The following PCDHA4 variants were observed in gnomAD, a reference collection of about 807,000 sequenced individuals.
PCDHA4 encodes the protein protocadherin alpha-4.
Under a neutral mutation model 61.4 loss-of-function variants are expected in PCDHA4, and 49 were observed. The observed-to-expected ratio is 0.80, with a 90% CI of 0.63 to 1.01. The LOEUF (loss-of-function observed/expected upper bound fraction) is 1.01, where lower values mean the gene tolerates loss of function less well. Ranked by LOEUF, PCDHA4 falls within the 50% of genes least tolerant of loss-of-function variation. PCDHA4 has a pLI of 0.00. For missense variants in PCDHA4, 1,254 were observed against 1,235.8 expected (o/e 1.01, Z -0.22); for synonymous variants, 590 against 550.3 (o/e 1.07, Z -1.01).
At position 140,848,431 on chromosome 5, in the gene PCDHA4, A is replaced by T; in HGVS notation, c.2385+38859A>T. On this transcript the variant is annotated intron_variant, in intron 1 of 3. Transcript: ENST00000530339. ...GAACACAGCAGAATGGGACTGACGAAATCAGATGATTTCTTCTAATTTGGA... is the reference window on the plus strand; with the variant it reads ...GAACACAGCAGAATGGGACTGACGATATCAGATGATTTCTTCTAATTTGGA... 2.7e-6 allele frequency: 4 copies of T among 1,467,178 alleles called. 2 individuals are homozygous for T. The highest frequency in any genetic ancestry group is 3.7e-6 in the Non-Finnish European group (4 of 1,073,724). 90.9% of individuals were successfully genotyped at this position (1,467,178 alleles called of 1,614,324 possible). A position where few individuals can be genotyped will look rare whatever the true frequency, so the allele number is the denominator to read the frequency against.
chr5:140,940,164 AT>A (rs1407801775), intron 1 of PCDHA4, among the ~76,000 whole-genome samples: 1 of 152,170 alleles, frequency 6.6e-6, no homozygotes, highest in African/African-American at 2.4e-5. Flanking sequence ...TTTGCCTGAA[AT>A]GTCATTCTTG....
chr5:140,934,349 T>C (rs1466597753), intron 1 of PCDHA4, among the ~76,000 whole-genome samples: 2 of 152,202 alleles, frequency 1.3e-5, no homozygotes, highest in African/African-American at 4.8e-5. Flanking sequence ...CAGTACAGTG[T>C]GGAGCCACTG....
rs1769616789 is a variant in PCDHA4, at chr5:140,828,216, G to A, written c.2385+18644G>A. ...TCCGTACCCGAGGAGGCCAAACACG[G>A]CACCTTCGTGGGCCGGATCGCGCAG... On this transcript the variant is annotated intron_variant, in intron 1 of 3. Transcript: ENST00000530339. The A allele has an allele frequency of 3.1e-6, 5 of 1,614,022 alleles. No individual in the cohort carries two copies. The East Asian group carries it at 1.1e-4, about 36-fold the overall frequency.
chr5:140,827,884 A>G (rs1769440863), intron 1 of PCDHA4: 1 of 684,502 alleles, frequency 1.5e-6, no homozygotes. Flanking sequence ...ACGTGAATTG[A>G]TTTCTTACCT....
chr5:140,933,653 G>GTC (rs1245688430), intron 1 of PCDHA4, among the ~76,000 whole-genome samples: 13 of 151,864 alleles, frequency 8.6e-5, no homozygotes, highest in African/African-American at 2.7e-4. Flanking sequence ...TGGAAATCCT[G>GTC]TCTCTCTCTC....
intron 1 of PCDHA4, 41 bp from the exon 2 acceptor site, chr5:140,978,908 T>C: frequency 6.2e-7 from 1 of 1,613,772 alleles, no homozygotes; most frequent in Non-Finnish European, 8.5e-7. Context: ...GAGAACATTG[T>C]CTTGTCATTT....
intron 1 of PCDHA4, chr5:140,884,399 T>C (rs1554181524): frequency 6.2e-6 from 10 of 1,613,990 alleles, no homozygotes; most frequent in African/African-American, 4.0e-5. Flanking sequence ...GTCCAGCCTG[T>C]TGGTGCTCAC....
At chr5:140,967,428 C>T (rs782709354) in intron 1 of PCDHA4, 2 of 1,613,402 alleles carry the variant, frequency 1.2e-6, no homozygotes, top group East Asian at 4.5e-5. Context: ...GAGCAGGCAG[C>T]CTTGCACCAC....
intron 1 of PCDHA4, chr5:140,850,802 C>T: frequency 6.3e-7 from 1 of 1,598,420 alleles, no homozygotes; most frequent in Non-Finnish European, 8.6e-7. Flanking sequence ...AGACCGACCT[C>T]ATGGCCTTCA....
intron 3 of PCDHA4, chr5:140,989,029 T>C (rs1179991724): frequency 6.6e-6 from 1 of 152,170 alleles, no homozygotes. Context: ...TCAGTTATCA[T>C]TGATTCCTTT....
chr5:140,829,914 C>T (rs782449533), intron 1 of PCDHA4: 1 of 1,613,998 alleles, frequency 6.2e-7, no homozygotes, highest in Non-Finnish European at 8.5e-7. Flanking sequence ...GCGTGGCTTT[C>T]GTATGAGCTG....
intron 1 of PCDHA4, chr5:140,816,909 T>C (rs1766022832): frequency 6.6e-6 from 1 of 152,122 alleles, no homozygotes; most frequent in Non-Finnish European, 1.5e-5. Context: ...AAGCCCTCAG[T>C]TATAGATTCT....
chr5:140,840,271 T>A (rs2150305298), intron 1 of PCDHA4, among the ~76,000 whole-genome samples: 3 of 152,098 alleles, frequency 2.0e-5, no homozygotes, highest in Non-Finnish European at 4.4e-5. Flanking sequence ...TTTTAATGAT[T>A]TGGGTTTTGG....
chr5:140,873,097 A>G (rs578070341), intron 1 of PCDHA4, among the ~76,000 whole-genome samples: 173 of 152,330 alleles, frequency 1.1e-3, no homozygotes, highest in African/African-American at 4.0e-3. Context: ...GTATAGAGGC[A>G]TAACATACCA....
chr5:140,835,602 T>C, intron 1 of PCDHA4: 2 of 1,613,930 alleles, frequency 1.2e-6, no homozygotes, highest in South Asian at 1.1e-5. Flanking sequence ...TTACTATTCA[T>C]TGGTGCTGGA....
intron 1 of PCDHA4, among the ~76,000 whole-genome samples, chr5:140,936,259 T>A (rs1327533719): frequency 6.6e-6 from 1 of 152,228 alleles, no homozygotes; most frequent in African/African-American, 2.4e-5. Context: ...CTTCAAGTCA[T>A]GAAGATATAT....
At chr5:140,927,760 A>G in intron 1 of PCDHA4, 1 of 1,614,206 alleles carries the variant, frequency 6.2e-7, no homozygotes, top group Non-Finnish European at 8.5e-7. Context: ...GCACCCTAAA[A>G]GTGGGGAGGT....
chr5:140,947,083 A>T (rs1268359945), intron 1 of PCDHA4, among the ~76,000 whole-genome samples: 1 of 151,728 alleles, frequency 6.6e-6, no homozygotes, highest in African/African-American at 2.4e-5. Context: ...TTGAAACATC[A>T]GACTGTAGCC....
At chr5:140,873,642 G>A (rs1217578025) in intron 1 of PCDHA4, among the ~76,000 whole-genome samples, 1 of 152,154 alleles carries the variant, frequency 6.6e-6, no homozygotes, top group Non-Finnish European at 1.5e-5. Flanking sequence ...GAGTATGTGA[G>A]AACTACATAA....
Sources: allele counts gnomAD v4.1 joint callset (sites outside exome capture counted in the v4.1 genomes callset), GRCh38; gene constraint gnomAD v4.1.1; transcripts MANE v1.5; gene names NCBI Gene and HGNC (gene_info 2026-07-23, HGNC 2026-07-21).